The following ZNF721 variants were observed in gnomAD, a reference collection of about 807,000 sequenced individuals.
ZNF721 encodes the protein zinc finger protein 721.
In ZNF721, 2 loss-of-function variants were observed where a neutral mutation model predicts 2.4. The observed-to-expected ratio is 0.82, with a 90% CI of 0.34 to 2.58. The LOEUF (loss-of-function observed/expected upper bound fraction) is 2.58. ZNF721 is among the 30% of genes most tolerant of loss of function. The pLI is 0.11. For synonymous variants in ZNF721, 398 were observed against 381.8 expected (o/e 1.04, Z -0.50); for missense variants, 1,187 against 1,085.5 (o/e 1.09, Z -1.31).
intron 2 of ZNF721, among the ~76,000 whole-genome samples, chr4:449,900 T>A (rs762878085): frequency 1.7e-4 from 26 of 152,076 alleles, no homozygotes; most frequent in Non-Finnish European, 3.7e-4. Context: ...GACAAAAATA[T>A]GTTAGTGAGA....
chr4:443,835 T>C lies in ZNF721; in HGVS notation c.632A>G (p.Tyr211Cys), dbSNP rs782499459. The change falls in exon 3 of 3, where the codon TAT (tyrosine) becomes TGT (cysteine). Residue 211 changes from tyrosine to cysteine, a missense_variant. Coordinates refer to ENST00000511833, the MANE Select transcript of ZNF721 (RefSeq NM_133474.4). Reference protein sequence around the residue: ...AFGWSTNLNEYKKIHTGDKPY... With the variant: ...AFGWSTNLNECKKIHTGDKPY... ...TTTATCTCCAGTATGAATTTTCTTA[T>C]ATTCATTCAGGTTTGTGGACCATCC... The C allele has an allele frequency of 2.3e-5, 37 of 1,613,886 alleles. No individual in the cohort carries two copies. Among genetic ancestry groups the C allele is most frequent in the Non-Finnish European group, 3.1e-5 (36 of 1,179,920 alleles).
intron 2 of ZNF721, among the ~76,000 whole-genome samples, chr4:470,898 G>C (rs1194108079): frequency 2.6e-5 from 4 of 151,822 alleles, no homozygotes; most frequent in Admixed American, 2.0e-4. Context: ...TACTCGGGAG[G>C]CTAAGGCAGG....
intron 1 of ZNF721, among the ~76,000 whole-genome samples, chr4:496,374 C>A (rs1444094502): frequency 7.0e-6 from 1 of 142,878 alleles, no homozygotes; most frequent in Non-Finnish European, 1.6e-5. Flanking sequence ...GGGGTCACCT[C>A]CTTATATGCA....
At chr4:451,500 C>T (rs1553864865) in intron 2 of ZNF721, among the ~76,000 whole-genome samples, 1 of 152,156 alleles carries the variant, frequency 6.6e-6, no homozygotes, top group East Asian at 1.9e-4. Context: ...CGTCTGTGCA[C>T]AGATGGTGGC....
intron 2 of ZNF721, among the ~76,000 whole-genome samples, chr4:465,039 C>T (rs1361455521): frequency 2.7e-5 from 4 of 148,966 alleles, no homozygotes; most frequent in Non-Finnish European, 4.4e-5. Context: ...GAGCCAAGAT[C>T]GTGCCACTGG....
At chr4:484,863 T>C (rs1553870012) in intron 1 of ZNF721, among the ~76,000 whole-genome samples, 1 of 152,200 alleles carries the variant, frequency 6.6e-6, no homozygotes, top group East Asian at 1.9e-4. Flanking sequence ...TTGAAGTCTG[T>C]CACCCACACC....
chr4:494,597 C>A (rs61675960), intron 1 of ZNF721, among the ~76,000 whole-genome samples: 34,498 of 151,962 alleles, frequency 0.23, 4,173 homozygotes, highest in Middle Eastern at 0.32. Context: ...AGTAGTCTTA[C>A]ATTTGCATAA....
intron 2 of ZNF721, among the ~76,000 whole-genome samples, chr4:446,195 G>A (rs146771517): frequency 3.3e-5 from 5 of 152,066 alleles, no homozygotes; most frequent in East Asian, 1.9e-4. Flanking sequence ...AGATATGCAC[G>A]TACACAAAGT....
At chr4:463,315 AAGTT>A (rs1715127790) in intron 2 of ZNF721, among the ~76,000 whole-genome samples, 1 of 152,202 alleles carries the variant, frequency 6.6e-6, no homozygotes, top group Admixed American at 6.6e-5. Context: ...GTGGGAGTGT[AAGTT>A]AGTTCAATCA....
chr4:461,530 G>C (rs1553866108), intron 2 of ZNF721, among the ~76,000 whole-genome samples: 1 of 152,160 alleles, frequency 6.6e-6, no homozygotes. Flanking sequence ...CATTCCCTTT[G>C]AAAACTGGGA....
intron 1 of ZNF721, among the ~76,000 whole-genome samples, chr4:495,016 G>A (rs1176637253): frequency 6.6e-6 from 1 of 151,612 alleles, no homozygotes; most frequent in Admixed American, 6.6e-5. Context: ...CGGAGTAGCT[G>A]GGACTACAGG....
Position 443,504 on chromosome 4 carries a change from A to T in ZNF721, c.963T>A (p.Tyr321Ter). 1 of 1,613,744 alleles carries T rather than the reference A, an allele frequency of 6.2e-7. No individual in the cohort carries two copies. The highest frequency in any genetic ancestry group is 1.3e-5 in the African/African-American group (1 of 74,970). The change falls in exon 3 of 3, where the codon TAT becomes TAA. Residue 321 changes from tyrosine (Y) to a stop codon, truncating the protein, a stop_gained. Coordinates refer to ENST00000511833, the MANE Select transcript of ZNF721 (RefSeq NM_133474.4). LOFTEE classifies it low-confidence loss of function (END_TRUNC). ...CTCCAGTATGAATTCTCCTATGTAC[A>T]TAAAGGTTTGCGGACTGTCTAAAGG... Reference protein sequence around the residue: ...GKAFRQSANLYVHRRIHTGEK... With the variant: ...GKAFRQSANL
chr4:459,409 G>A (rs1270869384), intron 2 of ZNF721, among the ~76,000 whole-genome samples: 2 of 152,002 alleles, frequency 1.3e-5, no homozygotes, highest in Non-Finnish European at 2.9e-5. Context: ...CATCTCATGT[G>A]CAAAGACAAA....
intron 2 of ZNF721, among the ~76,000 whole-genome samples, chr4:465,082 T>TAAAA (rs112910440): frequency 3.6e-5 from 5 of 138,248 alleles, no homozygotes; most frequent in South Asian, 2.3e-4. Context: ...AAGATTCCAT[T>TAAAA]AAAAAAAAAA....
At chr4:446,696 T>C (rs1714486337) in intron 2 of ZNF721, among the ~76,000 whole-genome samples, 1 of 151,120 alleles carries the variant, frequency 6.6e-6, no homozygotes, top group Non-Finnish European at 1.5e-5. Flanking sequence ...TTCTTTTTTT[T>C]TTCTTTTTTT....
intron 1 of ZNF721, among the ~76,000 whole-genome samples, chr4:487,221 C>G (rs1715918633): frequency 6.6e-6 from 1 of 152,080 alleles, no homozygotes; most frequent in Admixed American, 6.5e-5. Flanking sequence ...ACTTGAATCT[C>G]TTATTTGCAC....
Position 485,424 on chromosome 4 carries a change from T to C in ZNF721, c.-93-12723A>G, listed in dbSNP as rs1715868965. On this transcript the variant is annotated intron_variant, in intron 1 of 2. Transcript: ENST00000511833. The stretch of plus-strand genomic sequence containing the variant: ...TGGGCTTAGTATGTGTGGAACTGGT[T>C]TGAATCAGGAGCAAAACAAGCAGTA... Among the ~76,000 whole-genome samples, 14 of 151,790 alleles carry C rather than the reference T, an allele frequency of 9.2e-5. No homozygotes were observed. The South Asian group carries it at 2.9e-3, about 32-fold the overall frequency.
intron 1 of ZNF721, among the ~76,000 whole-genome samples, chr4:479,668 G>A (rs927883137): frequency 1.1e-4 from 16 of 152,102 alleles, no homozygotes; most frequent in African/African-American, 3.4e-4. Flanking sequence ...GGCCTACACC[G>A]GAGCCTGCAG....
rs549562052 is a variant in ZNF721 at position 482,660 on chromosome 4, C to T, written c.-93-9959G>A. Among the ~76,000 whole-genome samples the T allele has an allele frequency of 9.9e-5, 15 of 151,310 alleles. No homozygotes were observed. In the South Asian group the frequency reaches 2.9e-3, roughly 30 times the overall value. ...TACAAGCGCCCGCCACCATGCCCAGCTAATTTTTGTATTTTTAGTAGAGAC... is the reference window on the plus strand; with the variant it reads ...TACAAGCGCCCGCCACCATGCCCAGTTAATTTTTGTATTTTTAGTAGAGAC... On this transcript the variant is annotated intron_variant, in intron 1 of 2. Coordinates refer to ENST00000511833, the MANE Select transcript of ZNF721 (RefSeq NM_133474.4).
Sources: allele counts gnomAD v4.1 joint callset (sites outside exome capture counted in the v4.1 genomes callset), GRCh38; gene constraint gnomAD v4.1.1; transcripts MANE v1.5; gene names NCBI Gene and HGNC (gene_info 2026-07-23, HGNC 2026-07-21).